The following PEAK1 variants were observed in gnomAD, a reference collection of about 807,000 sequenced individuals.
PEAK1 encodes the protein pseudopodium enriched atypical kinase 1, also known as inactive tyrosine-protein kinase PEAK1.
A neutral mutation model predicts 124.7 loss-of-function variants in PEAK1; 54 were observed. That is an observed-to-expected ratio of 0.43 (90% CI 0.35 to 0.54). PEAK1 has a LOEUF of 0.54. Ranked by LOEUF, PEAK1 falls within the 20% of genes least tolerant of loss-of-function variation. The pLI is 0.01. For synonymous variants in PEAK1, 719 were observed against 760.0 expected (o/e 0.95, Z 0.89); for missense variants, 2,046 against 2,134.5 (o/e 0.96, Z 0.82).
chr15:77,376,396 G>A (rs1187129005), intron 1 of PEAK1, among the ~76,000 whole-genome samples: 1 of 151,938 alleles, frequency 6.6e-6, no homozygotes, highest in Non-Finnish European at 1.5e-5. Context: ...AGGGGGTGGG[G>A]GGGAAGTACC....
chr15:77,256,395 C>A (rs1278657739), intron 5 of PEAK1, among the ~76,000 whole-genome samples: 1 of 150,356 alleles, frequency 6.7e-6, no homozygotes, highest in Admixed American at 6.6e-5. Flanking sequence ...TTAATAGTAG[C>A]GAATAGTTTC....
chr15:77,408,545 A>C (rs2072129140), intron 1 of PEAK1, among the ~76,000 whole-genome samples: 3 of 152,054 alleles, frequency 2.0e-5, no homozygotes, highest in African/African-American at 2.4e-5. Flanking sequence ...AAAATTTAAA[A>C]AAAAAAACAG....
chr15:77,328,063 T>A (rs772580143), intron 2 of PEAK1, among the ~76,000 whole-genome samples: 5 of 152,204 alleles, frequency 3.3e-5, no homozygotes, highest in Non-Finnish European at 7.4e-5. Flanking sequence ...TCTGATCTGA[T>A]AATGGATCCT....
At chr15:77,173,628 C>A (rs1331866579) in intron 7 of PEAK1, among the ~76,000 whole-genome samples, 1 of 152,154 alleles carries the variant, frequency 6.6e-6, no homozygotes, top group African/African-American at 2.4e-5. Flanking sequence ...CCCACCTCAC[C>A]CAAAAGCCTC....
At chr15:77,213,291 C>CAAAACACAGAAAATGAT (rs1438966240) in intron 6 of PEAK1, among the ~76,000 whole-genome samples, 2 of 151,986 alleles carry the variant, frequency 1.3e-5, no homozygotes, top group Non-Finnish European at 2.9e-5. Context: ...CATAAAATGA[C>CAAAACACAGAAAATGAT]AAAACACAGA....
At chr15:77,276,454 G>A (rs970088794) in intron 5 of PEAK1, among the ~76,000 whole-genome samples, 5 of 152,162 alleles carry the variant, frequency 3.3e-5, no homozygotes, top group African/African-American at 7.2e-5. Flanking sequence ...CAGGTGCTAG[G>A]AGAAAAGGCT....
At chr15:77,353,915 G>A (rs1597407377) in intron 2 of PEAK1, among the ~76,000 whole-genome samples, 1 of 152,332 alleles carries the variant, frequency 6.6e-6, no homozygotes, top group Non-Finnish European at 1.5e-5. Flanking sequence ...AGGTGTTACT[G>A]TGAAATCCTT....
intron 2 of PEAK1, chr15:77,334,129 TAA>T (rs1280156387): frequency 3.3e-6 from 3 of 911,988 alleles, no homozygotes; most frequent in African/African-American, 3.6e-5. Context: ...TCTAAATACT[TAA>T]GAGATTTTTT....
chr15:77,356,298 A>G (rs950163328), intron 2 of PEAK1, among the ~76,000 whole-genome samples: 5 of 152,230 alleles, frequency 3.3e-5, no homozygotes, highest in African/African-American at 1.2e-4. Flanking sequence ...GTTTTTCTTA[A>G]AAGATCACAA....
At chr15:77,336,318 A>T in intron 2 of PEAK1, 2 of 985,406 alleles carry the variant, frequency 2.0e-6, no homozygotes, top group Non-Finnish European at 2.4e-6. Context: ...GTTACTTGCA[A>T]CGAGGGCTCA....
chr15:77,391,880 T>C (rs931195370), intron 1 of PEAK1, among the ~76,000 whole-genome samples: 1 of 152,208 alleles, frequency 6.6e-6, no homozygotes, highest in African/African-American at 2.4e-5. Context: ...TACATACTAA[T>C]ATCCGATTAT....
At chr15:77,282,195 T>C (rs1158617229) in intron 5 of PEAK1, among the ~76,000 whole-genome samples, 1 of 151,954 alleles carries the variant, frequency 6.6e-6, no homozygotes, top group African/African-American at 2.4e-5. Flanking sequence ...AGCTCCATAT[T>C]TCCCTTATTG....
At chr15:77,176,805 T>A (rs2056906670) in intron 7 of PEAK1, among the ~76,000 whole-genome samples, 1 of 152,174 alleles carries the variant, frequency 6.6e-6, no homozygotes, top group South Asian at 2.1e-4. Context: ...GCCGAACATT[T>A]CTTGACTATG....
intron 1 of PEAK1, among the ~76,000 whole-genome samples, chr15:77,407,882 G>GATATAT (rs71145822): frequency 2.7e-5 from 4 of 146,428 alleles, no homozygotes; most frequent in African/African-American, 1.0e-4. Context: ...GATAAAGCAT[G>GATATAT]ATATATATAT....
intron 6 of PEAK1, among the ~76,000 whole-genome samples, chr15:77,213,379 A>C (rs569636908): frequency 1.6e-4 from 24 of 152,296 alleles, no homozygotes; most frequent in Non-Finnish European, 3.1e-4. Context: ...GGCTTCCAGT[A>C]GAAAAAATAA....
intron 2 of PEAK1, chr15:77,353,095 A>T: frequency 1.8e-6 from 1 of 550,030 alleles, no homozygotes; most frequent in Non-Finnish European, 2.3e-6. Flanking sequence ...CAGCAAACAC[A>T]TGCACTGCTT....
At chr15:77,379,671 T>A (rs1021226611) in intron 1 of PEAK1, among the ~76,000 whole-genome samples, 2 of 152,034 alleles carry the variant, frequency 1.3e-5, no homozygotes, top group Non-Finnish European at 2.9e-5. Context: ...AATACACCAA[T>A]AGGGACCCTT....
chr15:77,253,848 G>C (rs2060999233), intron 5 of PEAK1, among the ~76,000 whole-genome samples: 1 of 152,008 alleles, frequency 6.6e-6, no homozygotes, highest in Non-Finnish European at 1.5e-5. Context: ...TTTTGAGATA[G>C]AGTTTTGCTC....
chr15:77,211,033 A>G (rs892223427), intron 6 of PEAK1, among the ~76,000 whole-genome samples: 1 of 152,202 alleles, frequency 6.6e-6, no homozygotes, highest in African/African-American at 2.4e-5. Flanking sequence ...TCAGCAAACT[A>G]TGTCCCATGG....
Sources: gnomAD v4.1 joint callset for allele counts (sites outside exome capture counted in the v4.1 genomes callset) on GRCh38, gnomAD v4.1.1 for gene constraint, MANE v1.5 for transcripts, NCBI Gene and HGNC (gene_info 2026-07-23, HGNC 2026-07-21) for gene names.